The following FRAS1 variants were observed in gnomAD, a reference collection of about 807,000 sequenced individuals.
FRAS1 encodes the protein extracellular matrix organizing protein FRAS1.
Under a neutral mutation model 435.2 loss-of-function variants are expected in FRAS1, and 290 were observed. That is an observed-to-expected ratio of 0.67 (90% CI 0.61 to 0.73). FRAS1 has a LOEUF of 0.73. Among genes scored for constraint, FRAS1 ranks in the 30% least tolerant of loss-of-function variants. FRAS1 has a pLI of 0.00. For synonymous variants in FRAS1, 1,800 were observed against 1,851.0 expected (o/e 0.97, Z 0.71); for missense variants, 4,860 against 5,001.5 (o/e 0.97, Z 0.85).
chr4:78,535,367 A>G (rs1295551427), intron 71 of FRAS1, among the ~76,000 whole-genome samples: 17 of 152,174 alleles, frequency 1.1e-4, no homozygotes, highest in South Asian at 2.1e-4. Context: ...CTCATCCTGG[A>G]TCTCTCCGAG....
At chr4:78,356,151 G>A (rs1399533982) in intron 20 of FRAS1, among the ~76,000 whole-genome samples, 1 of 152,092 alleles carries the variant, frequency 6.6e-6, no homozygotes, top group Non-Finnish European at 1.5e-5. Flanking sequence ...TGGCCACGGG[G>A]GTAGTTCTGT....
chr4:78,377,585 A>G (rs781675657), intron 26 of FRAS1, among the ~76,000 whole-genome samples: 1 of 152,216 alleles, frequency 6.6e-6, no homozygotes, highest in Non-Finnish European at 1.5e-5. Flanking sequence ...TTTCATGTGG[A>G]CAAAGATTAT....
intron 2 of FRAS1, among the ~76,000 whole-genome samples, chr4:78,132,658 G>A (rs894733985): frequency 1.3e-5 from 2 of 152,174 alleles, no homozygotes; most frequent in African/African-American, 4.8e-5. Flanking sequence ...GATGCAGAGA[G>A]ATTTTCCTGG....
At chr4:78,161,877 A>G (rs953676882) in intron 2 of FRAS1, among the ~76,000 whole-genome samples, 2 of 151,808 alleles carry the variant, frequency 1.3e-5, no homozygotes, top group African/African-American at 2.4e-5. Context: ...TCTCTTCGCC[A>G]TCCACCTTGT....
intron 70 of FRAS1, among the ~76,000 whole-genome samples, chr4:78,529,896 A>G (rs773572850): frequency 6.6e-6 from 1 of 152,190 alleles, no homozygotes. Flanking sequence ...TTTTTGGACT[A>G]TGGTAGGTCT....
chr4:78,222,959 C>T (rs926143978), intron 2 of FRAS1, among the ~76,000 whole-genome samples: 2 of 152,164 alleles, frequency 1.3e-5, no homozygotes, highest in Non-Finnish European at 2.9e-5. Flanking sequence ...GCTCTGGGTT[C>T]TGCCTCTGGA....
chr4:78,294,591 A>T (rs1458509935), intron 14 of FRAS1, among the ~76,000 whole-genome samples: 1 of 152,250 alleles, frequency 6.6e-6, no homozygotes, highest in Non-Finnish European at 1.5e-5. Context: ...TGAAAGGTCC[A>T]TGTGGACCTG....
At chr4:78,317,782 T>C (rs1357930674) in intron 17 of FRAS1, among the ~76,000 whole-genome samples, 1 of 152,226 alleles carries the variant, frequency 6.6e-6, no homozygotes, top group Non-Finnish European at 1.5e-5. Flanking sequence ...AGAACTCTTA[T>C]TTCCTCCTTT....
intron 31 of FRAS1, among the ~76,000 whole-genome samples, chr4:78,411,895 T>C (rs550271812): frequency 1.3e-5 from 2 of 152,332 alleles, no homozygotes; most frequent in African/African-American, 2.4e-5. Context: ...CTTGTTGGCT[T>C]TGTGACTTTG....
At chr4:78,414,349 C>A (rs1418457180) in intron 32 of FRAS1, among the ~76,000 whole-genome samples, 1 of 152,182 alleles carries the variant, frequency 6.6e-6, no homozygotes, top group Non-Finnish European at 1.5e-5. Context: ...AGTGCTGTTT[C>A]CTGTGCTGTC....
chr4:78,274,966 T>G (rs1009030830), intron 9 of FRAS1, among the ~76,000 whole-genome samples: 12 of 152,024 alleles, frequency 7.9e-5, no homozygotes, highest in African/African-American at 2.9e-4. Context: ...TTTGTAGGTC[T>G]CTAAGGACTT....
rs1733919437 is a variant in FRAS1 at position 78,424,422 on chromosome 4, T to A, written c.4711+2T>A. 2.1e-6 allele frequency: 3 copies of A among 1,426,016 alleles called. No homozygotes were observed. Among genetic ancestry groups the A allele is most frequent in the Non-Finnish European group, 2.8e-6 (3 of 1,075,090 alleles). The allele number at this position is 1,426,016 out of a possible 1,614,324, so 88.3% of individuals were successfully genotyped here. The stretch of plus-strand genomic sequence containing the variant: ...AATCAGTGAAATTCCACTTCACAGG[T>A]AAAGATTCATCTAAATTTTACTAGA... On this transcript the variant is annotated splice_donor_variant, in intron 35 of 73. Transcript: ENST00000512123. LOFTEE classifies it high-confidence loss of function.
chr4:78,494,716 AT>A (rs1720463097), intron 59 of FRAS1, among the ~76,000 whole-genome samples: 11 of 152,102 alleles, frequency 7.2e-5, no homozygotes, highest in Admixed American at 7.2e-4. Context: ...TATTTTACCT[AT>A]GCACTCTCAG....
intron 2 of FRAS1, among the ~76,000 whole-genome samples, chr4:78,117,676 C>G (rs1269687154): frequency 6.6e-6 from 1 of 152,204 alleles, no homozygotes; most frequent in Non-Finnish European, 1.5e-5. Context: ...GTTTTCAGCT[C>G]CATCAGGTCT....
intron 30 of FRAS1, 61 bp downstream of exon 30, chr4:78,400,948 C>T: frequency 6.7e-7 from 1 of 1,489,110 alleles, no homozygotes; most frequent in Non-Finnish European, 9.2e-7. Flanking sequence ...GGGTTTGCTA[C>T]TGTATAGTGC....
chr4:78,452,087 C>A, intron 46 of FRAS1, 88 bp from the exon 47 acceptor site: 1 of 1,429,436 alleles, frequency 7.0e-7, no homozygotes, highest in Non-Finnish European at 9.8e-7. Flanking sequence ...AGAGATGACT[C>A]TGACCTTACT....
intron 73 of FRAS1, 53 bp downstream of exon 73, chr4:78,539,493 GAAA>G (rs3062747): frequency 0.014 from 13,702 of 968,930 alleles, no homozygotes; most frequent in Non-Finnish European, 0.016. Context: ...TTTAAAGCTT[GAAA>G]AAAAAAAAAA....
At chr4:78,337,558 A>G in intron 19 of FRAS1, 116 bp from the exon 20 acceptor site, 1 of 1,232,352 alleles carries the variant, frequency 8.1e-7, no homozygotes, top group Non-Finnish European at 1.2e-6. Context: ...GGAATCTTCT[A>G]AAGATGATTA....
intron 2 of FRAS1, among the ~76,000 whole-genome samples, chr4:78,177,174 G>A (rs1166132085): frequency 6.7e-6 from 1 of 150,252 alleles, no homozygotes; most frequent in Non-Finnish European, 1.5e-5. Context: ...TGCAAGCTCC[G>A]CCTCCTGGGT....
Sources: allele counts gnomAD v4.1 joint callset (sites outside exome capture counted in the v4.1 genomes callset), GRCh38; gene constraint gnomAD v4.1.1; transcripts MANE v1.5; gene names NCBI Gene and HGNC (gene_info 2026-07-23, HGNC 2026-07-21).